The following MAPKAPK5 variants were observed in gnomAD, a reference collection of about 807,000 sequenced individuals.
MAPKAPK5 encodes MAPK activated protein kinase 5.
In MAPKAPK5, 30 loss-of-function variants were observed where a neutral mutation model predicts 65.1. The observed-to-expected ratio is 0.46, with a 90% CI of 0.34 to 0.63. The LOEUF (loss-of-function observed/expected upper bound fraction) is 0.63. Among genes scored for constraint, MAPKAPK5 ranks in the 20% least tolerant of loss-of-function variants. The probability of loss-of-function intolerance (pLI) is 0.01; values close to 1 mark genes in which losing one functional copy is unlikely to be tolerated. For synonymous variants in MAPKAPK5, 179 were observed against 204.6 expected (o/e 0.87, Z 1.07); for missense variants, 433 against 581.4 (o/e 0.74, Z 2.63).
intron 5 of MAPKAPK5, among the ~76,000 whole-genome samples, chr12:111,869,906 G>C (rs992705628): frequency 2.0e-5 from 3 of 152,184 alleles, no homozygotes; most frequent in Admixed American, 6.5e-5. Flanking sequence ...TGGGAACTGC[G>C]CCTGCTGACC....
intron 6 of MAPKAPK5, 121 bp from the exon 7 acceptor site, chr12:111,870,964 G>GT: frequency 3.0e-6 from 2 of 676,914 alleles, no homozygotes; most frequent in Non-Finnish European, 5.1e-6. Flanking sequence ...ATTTTCATAA[G>GT]TTCGCATCTC....
Position 111,901,267 on chromosome 12 carries a change from C to T in MAPKAPK5, c.*8206C>T, listed in dbSNP as rs140509337. On this transcript the variant is annotated 3_prime_UTR_variant, in exon 14 of 14. Transcript: ENST00000550735. ...ATTTCTGCCTGCAACCCAGAAAAAA[C>T]GTGTAATGGGAAGGGAGTTTGTAAT... 1.3e-5 allele frequency: 6 copies of T among 455,924 alleles called. No individual in the cohort carries two copies. The highest frequency in any genetic ancestry group is 6.9e-5 in the East Asian group (1 of 14,398). The allele number at this position is 455,924 out of a possible 1,614,324, so 28.2% of individuals were successfully genotyped here.
chr12:111,863,667 C>T (rs983071852), intron 1 of MAPKAPK5, among the ~76,000 whole-genome samples: 4 of 147,088 alleles, frequency 2.7e-5, no homozygotes, highest in Non-Finnish European at 4.4e-5. Flanking sequence ...AGTGCAATGG[C>T]GTGATCTTGG....
intron 1 of MAPKAPK5, 39 bp downstream of exon 1, chr12:111,842,808 G>A: frequency 7.7e-7 from 1 of 1,300,638 alleles, no homozygotes; most frequent in Non-Finnish European, 9.8e-7. Context: ...GCGTTGTCCT[G>A]TGGCGTTCTT....
intron 2 of MAPKAPK5, among the ~76,000 whole-genome samples, chr12:111,865,834 CAA>C (rs1157723498): frequency 1.0e-3 from 59 of 57,386 alleles, no homozygotes; most frequent in Non-Finnish European, 1.3e-3. Context: ...GATTCTGTCT[CAA>C]AAAAAAAAAA....
Position 111,886,290 on chromosome 12 carries a change from G to A in MAPKAPK5, c.969+254G>A, listed in dbSNP as rs76202787. 6.0e-3 allele frequency among the ~76,000 whole-genome samples: 915 copies of A among 152,250 alleles called. 11 individuals carry two copies. Among genetic ancestry groups the A allele is most frequent in the African/African-American group, 0.02 (848 of 41,556 alleles). On this transcript the variant is annotated intron_variant, in intron 10 of 13. Transcript: ENST00000550735. ...CTCCATATTTCTGCTACAGGGCTGC[G>A]GGCACAGAACAGTTTAAGATACCCT...
intron 4 of MAPKAPK5, among the ~76,000 whole-genome samples, 191 bp downstream of exon 4, chr12:111,867,860 C>G (rs2069663108): frequency 6.6e-6 from 1 of 152,188 alleles, no homozygotes; most frequent in Non-Finnish European, 1.5e-5. Flanking sequence ...TAAAAGCAGA[C>G]AGAATTATGT....
At chr12:111,857,227 T>C (rs2069271313) in intron 1 of MAPKAPK5, among the ~76,000 whole-genome samples, 1 of 151,754 alleles carries the variant, frequency 6.6e-6, no homozygotes, top group Non-Finnish European at 1.5e-5. Flanking sequence ...TTCTTGTGGA[T>C]CCAAGTTTTC....
In MAPKAPK5 at chr12:111,883,981, T is replaced by C. The variant is rs1468271343; in HGVS notation, c.848+213T>C. On this transcript the variant is annotated intron_variant, in intron 9 of 13. Transcript: ENST00000550735. This position sits in a 1 kb window ranked among gnomAD's most constrained non-coding sequence, Gnocchi z 4.8. The stretch of plus-strand genomic sequence containing the variant: ...CCTCCCTCCTGTTGCATCCCTAGAC[T>C]TTGTCCCCAGGGTGTGAACCCAGGT... Among the ~76,000 whole-genome samples the C allele has an allele frequency of 6.6e-6, 1 of 152,214 alleles. No individual in the cohort carries two copies. The highest frequency in any genetic ancestry group is 2.4e-5 in the African/African-American group (1 of 41,442).
At chr12:111,888,639 G>T in intron 11 of MAPKAPK5, 21 bp downstream of exon 11, 1 of 1,612,590 alleles carries the variant, frequency 6.2e-7, no homozygotes. Context: ...TTATTTCTTC[G>T]ATTCTTCTTC....
At chr12:111,890,420 A>T (rs551696734) in intron 13 of MAPKAPK5, among the ~76,000 whole-genome samples, 3 of 152,246 alleles carry the variant, frequency 2.0e-5, no homozygotes, top group Non-Finnish European at 4.4e-5. Flanking sequence ...ACTTGGGTAA[A>T]AAAAACCCCC....
intron 1 of MAPKAPK5, among the ~76,000 whole-genome samples, chr12:111,860,962 CA>C (rs1308233697): frequency 6.6e-6 from 1 of 151,554 alleles, no homozygotes; most frequent in Non-Finnish European, 1.5e-5. Context: ...AGTTCGAGAC[CA>C]GCCTGGCCAA....
chr12:111,900,360 C>G lies in MAPKAPK5; in HGVS notation c.*7299C>G. ...GCTGTTGTTTGCAGCCCTGATGGCC[C>G]ATGAGCTCGGGCACAACCTGGGTAT... is the stretch of plus-strand genomic sequence containing the variant. On this transcript the variant is annotated 3_prime_UTR_variant, in exon 14 of 14. Transcript: ENST00000550735. 1 of 456,100 alleles carries G rather than the reference C, an allele frequency of 2.2e-6. No homozygotes were observed. Among genetic ancestry groups the G allele is most frequent in the Non-Finnish European group, 4.4e-6 (1 of 226,800 alleles). The allele number at this position is 456,100 out of a possible 1,614,324, so 28.3% of individuals were successfully genotyped here. A position where few individuals can be genotyped will look rare whatever the true frequency, so the allele number is the denominator to read the frequency against.
intron 13 of MAPKAPK5, 103 bp from the exon 14 acceptor site, chr12:111,892,864 G>A (rs2070664254): frequency 9.8e-6 from 7 of 715,646 alleles, no homozygotes; most frequent in Non-Finnish European, 1.6e-5. Flanking sequence ...CACTGGTGAG[G>A]GTGAATTTGA....
chr12:111,844,991 C>G (rs919803441), intron 1 of MAPKAPK5, among the ~76,000 whole-genome samples: 1 of 152,100 alleles, frequency 6.6e-6, no homozygotes, highest in Non-Finnish European at 1.5e-5. Context: ...TGGGTTTGAC[C>G]CTGATTAAAA....
rs1373719227 is a variant in MAPKAPK5 at position 111,862,127 on chromosome 12, G to C, written c.37-3123G>C. ...AAATATGTGAGAAAATGTGCCAGCC[G>C]TGGGCAATCTAGTTGAAAGGTGTGT... On this transcript the variant is annotated intron_variant, in intron 1 of 13. Transcript: ENST00000550735. Among the ~76,000 whole-genome samples, 3 of 149,138 alleles carry C rather than the reference G, an allele frequency of 2.0e-5. No individual in the cohort carries two copies. In the East Asian group the frequency reaches 5.8e-4, roughly 29 times the overall value.
chr12:111,855,202 G>A (rs756469833), intron 1 of MAPKAPK5, among the ~76,000 whole-genome samples: 51 of 152,040 alleles, frequency 3.4e-4, no homozygotes, highest in Non-Finnish European at 6.0e-4. Context: ...TGTTAACTTT[G>A]TTGATCTTTT....
chr12:111,885,687 C>T, intron 9 of MAPKAPK5: 1 of 499,014 alleles, frequency 2.0e-6, no homozygotes, highest in Non-Finnish European at 3.6e-6. Context: ...GGATTAAGCC[C>T]TTTTCTACCA....
chr12:111,842,654 G>C lies in MAPKAPK5; in HGVS notation c.-80G>C. 1 of 1,106,100 alleles carries C rather than the reference G, an allele frequency of 9.0e-7. No homozygotes were observed. Among genetic ancestry groups the C allele is most frequent in the Non-Finnish European group, 1.2e-6 (1 of 849,582 alleles). 68.5% of individuals were successfully genotyped at this position (1,106,100 alleles called of 1,614,324 possible). On this transcript the variant is annotated 5_prime_UTR_variant, in exon 1 of 14. Transcript: ENST00000550735. Reference sequence around the variant, plus strand: ...CGAGGCCCAGGGGCCCGAGTGCCGAGCCCTTTGCTCCCTCGGCCGCGCGGG... The same window carrying C: ...CGAGGCCCAGGGGCCCGAGTGCCGACCCCTTTGCTCCCTCGGCCGCGCGGG...
Sources: gnomAD v4.1 joint callset for allele counts (sites outside exome capture counted in the v4.1 genomes callset) on GRCh38, gnomAD v4.1.1 for gene constraint, Gnocchi (gnomAD v3.1) non-coding constraint, MANE v1.5 for transcripts, NCBI Gene and HGNC (gene_info 2026-07-23, HGNC 2026-07-21) for gene names.